Variants in OR51B5 observed in about 807,000 individuals in gnomAD.
The protein encoded by OR51B5 is olfactory receptor family 51 subfamily B member 5.
For synonymous variants in OR51B5, 186 were observed against 144.8 expected (o/e 1.28, Z -2.04); for missense variants, 456 against 374.6 (o/e 1.22, Z -1.79).
At chr11:5,356,534 C>G (rs578107951) in intron 1 of OR51B5, among the ~76,000 whole-genome samples, 2 of 145,832 alleles carry the variant, frequency 1.4e-5, no homozygotes, top group Non-Finnish European at 3.0e-5. Flanking sequence ...AGAATGGAAC[C>G]AAGTTGGAAA....
chr11:5,468,738 G>T, intron 1 of OR51B5: 1 of 456,578 alleles, frequency 2.2e-6, no homozygotes, highest in South Asian at 1.5e-5. Context: ...GCAATGGCCA[G>T]CACAGAATGT....
Position 5,497,189 on chromosome 11 carries a change from GTGC to G in OR51B5, n.84+8377_84+8379del, listed in dbSNP as rs1392441534. Among the ~76,000 whole-genome samples, 3 of 152,310 alleles carry G rather than the reference GTGC, an allele frequency of 2.0e-5. No homozygotes were observed. In the East Asian group the frequency reaches 5.8e-4, roughly 29 times the overall value. On this transcript the variant is annotated intron_variant and non_coding_transcript_variant, in intron 1 of 4. Coordinates refer to the OR51B5 transcript ENST00000415970. ...TGGTAAATGCGTTGAGTACTTTTAA[GTGC>G]TGGTACATATTGACATGTTAATAAT...
chr11:5,390,303 TCATATACAG>T, intron 1 of OR51B5: 2 of 1,613,852 alleles, frequency 1.2e-6, no homozygotes, highest in Non-Finnish European at 1.7e-6. Context: ...CTTAACCCAA[TCATATACAG>T]CATTAAGACC....
chr11:5,406,842 T>TA (rs781041450), intron 1 of OR51B5, among the ~76,000 whole-genome samples: 19 of 152,018 alleles, frequency 1.2e-4, no homozygotes, highest in Non-Finnish European at 2.5e-4. Flanking sequence ...AATTTAAAAG[T>TA]AATAGATGAG....
In OR51B5 at chr11:5,409,124, T is replaced by G. The variant is rs572388963; in HGVS notation, n.85-62214A>C. Among the ~76,000 whole-genome samples the G allele has an allele frequency of 6.6e-5, 10 of 152,236 alleles. No homozygotes were observed. The South Asian group carries it at 2.1e-3, about 32-fold the overall frequency. ...TGAAAATAACTAGAAAAGTCATATTTTAAAATCACTGTGTGTGTCTGTGTG... is the reference window on the plus strand; with the variant it reads ...TGAAAATAACTAGAAAAGTCATATTGTAAAATCACTGTGTGTGTCTGTGTG... On this transcript the variant is annotated intron_variant and non_coding_transcript_variant, in intron 1 of 4. Coordinates refer to the OR51B5 transcript ENST00000415970.
chr11:5,386,006 C>A (rs1174492604), intron 1 of OR51B5, among the ~76,000 whole-genome samples: 1 of 151,104 alleles, frequency 6.6e-6, no homozygotes, highest in Non-Finnish European at 1.5e-5. Flanking sequence ...TGTGTATTTA[C>A]ACCTTAATAG....
exon 1 of OR51B5, chr11:5,342,846 C>G: frequency 6.2e-7 from 1 of 1,613,118 alleles, no homozygotes; most frequent in South Asian, 1.1e-5. Flanking sequence ...TCTCTGGAGG[C>G]AATGCTCAGG....
chr11:5,418,457 C>CA (rs1004141413), intron 1 of OR51B5, among the ~76,000 whole-genome samples: 1 of 151,336 alleles, frequency 6.6e-6, no homozygotes, highest in Non-Finnish European at 1.5e-5. Flanking sequence ...AACAAACAAA[C>CA]AAAAAAAGCA....
At chr11:5,396,643 G>T (rs1218781387) in intron 1 of OR51B5, among the ~76,000 whole-genome samples, 4 of 151,936 alleles carry the variant, frequency 2.6e-5, no homozygotes, top group Non-Finnish European at 5.9e-5. Flanking sequence ...GTAATTTATA[G>T]ATTCAATGCC....
At chr11:5,355,103 G>A (rs1849168765) in intron 1 of OR51B5, 3 of 181,350 alleles carry the variant, frequency 1.7e-5, no homozygotes, top group Non-Finnish European at 2.4e-5. Context: ...AAGTGCAGCA[G>A]GAAGCTTACG....
At chr11:5,343,107 C>T (rs1848925875) in exon 1 of OR51B5, 7 of 1,613,262 alleles carry the variant, frequency 4.3e-6, no homozygotes, top group African/African-American at 2.7e-5. Context: ...CCAATCTTCA[C>T]TACTCGAGTA....
chr11:5,358,296 AATG>A (rs1849225414), intron 1 of OR51B5, among the ~76,000 whole-genome samples: 1 of 152,170 alleles, frequency 6.6e-6, no homozygotes, highest in African/African-American at 2.4e-5. Context: ...TGCAATAAAA[AATG>A]ATAAAGGGTA....
At position 5,478,169 on chromosome 11, in the gene OR51B5, C is replaced by T. The variant is rs1047756543; in HGVS notation, n.84+27400G>A. ...CAGCAAGCAGCTGGAGATCTGAGAA[C>T]GGGTAGACTGCCTCCTCAAGTGGGT... On this transcript the variant is annotated intron_variant and non_coding_transcript_variant, in intron 1 of 4. Coordinates refer to the OR51B5 transcript ENST00000415970. Among the ~76,000 whole-genome samples, 62 of 151,896 alleles carry T rather than the reference C, an allele frequency of 4.1e-4. 1 individual carries two copies. Among genetic ancestry groups the T allele is most frequent in the African/African-American group, 1.4e-3 (56 of 41,382 alleles).
chr11:5,342,130 T>C (rs1271999923), downstream of OR51B5, among the ~76,000 whole-genome samples: 1 of 152,122 alleles, frequency 6.6e-6, no homozygotes, highest in African/African-American at 2.4e-5. Flanking sequence ...AATTTATAGG[T>C]TCCCATTGTT....
At chr11:5,373,774 G>T (rs1450538015) in intron 1 of OR51B5, among the ~76,000 whole-genome samples, 2 of 152,200 alleles carry the variant, frequency 1.3e-5, no homozygotes, top group South Asian at 2.1e-4. Context: ...GCGAGGCTGG[G>T]GGAGGGGCAG....
At chr11:5,397,644 G>C (rs1441413404) in intron 1 of OR51B5, among the ~76,000 whole-genome samples, 1 of 151,574 alleles carries the variant, frequency 6.6e-6, no homozygotes, top group Admixed American at 6.6e-5. Context: ...TCAGTGTGGT[G>C]ATTCCTCAGG....
chr11:5,499,163 T>C (rs903514239), intron 1 of OR51B5, among the ~76,000 whole-genome samples: 1 of 152,202 alleles, frequency 6.6e-6, no homozygotes, highest in African/African-American at 2.4e-5. Context: ...TAGGTTTTCT[T>C]AAATGATGTC....
intron 1 of OR51B5, among the ~76,000 whole-genome samples, chr11:5,447,626 G>A (rs1197609053): frequency 2.6e-5 from 4 of 151,928 alleles, no homozygotes; most frequent in African/African-American, 7.3e-5. Context: ...TGTGATATTG[G>A]GATTGAGCCT....
At chr11:5,452,504 C>CAAAAAAAAAAA (rs56677841) in intron 1 of OR51B5, among the ~76,000 whole-genome samples, 19 of 69,212 alleles carry the variant, frequency 2.7e-4, no homozygotes, top group Non-Finnish European at 2.9e-4. Flanking sequence ...GACTCTGTCT[C>CAAAAAAAAAAA]AAAAAAAAAA....
Sources: allele counts gnomAD v4.1 joint callset (sites outside exome capture counted in the v4.1 genomes callset), GRCh38; gene constraint gnomAD v4.1.1; transcripts MANE v1.5; gene names NCBI Gene and HGNC (gene_info 2026-07-23, HGNC 2026-07-21).